The following LTBP1 variants were observed in gnomAD, a reference collection of about 807,000 sequenced individuals.
The protein encoded by LTBP1 is latent-transforming growth factor beta-binding protein 1.
LTBP1 carries 129 observed loss-of-function variants against 207.6 expected under a neutral mutation model. The ratio of observed to expected loss-of-function variants is 0.62; its 90% CI spans 0.54 to 0.72. The LOEUF is 0.72. LTBP1 is among the 30% of genes least tolerant of loss of function. The pLI is 0.00. For synonymous variants in LTBP1, 963 were observed against 833.7 expected, an observed-to-expected ratio of 1.16 and a Z score of -2.67; for missense variants, 2,281 against 2,217.2, an observed-to-expected ratio of 1.03 and a Z score of -0.58.
chr2:33,229,846 A>G (rs1417680641), intron 9 of LTBP1, among the ~76,000 whole-genome samples: 1 of 152,202 alleles, frequency 6.6e-6, no homozygotes, highest in Non-Finnish European at 1.5e-5. Flanking sequence ...GCAGTGTTAT[A>G]CTTTTTGGCA....
At chr2:33,198,691 T>G (rs893807935) in intron 7 of LTBP1, among the ~76,000 whole-genome samples, 56 of 152,296 alleles carry the variant, frequency 3.7e-4, no homozygotes, top group Non-Finnish European at 6.8e-4. Context: ...AGCGTAGAGG[T>G]GTTTGTAGTA....
In LTBP1 at chr2:33,105,661, G is replaced by A. The variant is rs978854982; in HGVS notation, c.864-4921G>A. On this transcript the variant is annotated intron_variant, in intron 3 of 33. Coordinates refer to ENST00000404816, the MANE Select transcript of LTBP1 (RefSeq NM_206943.4). ...TTGGCTAGGCTGGTCTTGAACTTGCGACCTCAGGTGATCCACCCGCTTCGG... is the reference window on the plus strand; with the variant it reads ...TTGGCTAGGCTGGTCTTGAACTTGCAACCTCAGGTGATCCACCCGCTTCGG... Among the ~76,000 whole-genome samples, 5 of 152,208 alleles carry A rather than the reference G, an allele frequency of 3.3e-5. No homozygotes were observed. In the East Asian group the frequency reaches 7.7e-4, roughly 24 times the overall value.
At chr2:33,279,819 T>A (rs1245528890) in intron 18 of LTBP1, among the ~76,000 whole-genome samples, 4 of 152,238 alleles carry the variant, frequency 2.6e-5, no homozygotes, top group Non-Finnish European at 5.9e-5. Flanking sequence ...GGGGCCAGGT[T>A]CTTCCTTGGA....
chr2:33,151,823 TTGTGTGTG>T (rs10526529), intron 5 of LTBP1, among the ~76,000 whole-genome samples: 18,390 of 128,954 alleles, frequency 0.14, 1,273 homozygotes, highest in East Asian at 0.22. Flanking sequence ...GTATTCCATT[TTGTGTGTG>T]TGTGTGTGTG....
intron 22 of LTBP1, among the ~76,000 whole-genome samples, chr2:33,305,656 G>C (rs906625293): frequency 6.6e-6 from 1 of 152,172 alleles, no homozygotes; most frequent in Non-Finnish European, 1.5e-5. Context: ...TTGGAATTTA[G>C]GGGTGAGTTC....
intron 31 of LTBP1, among the ~76,000 whole-genome samples, chr2:33,375,704 A>ATT (rs985682071): frequency 1.5e-3 from 169 of 113,762 alleles, no homozygotes; most frequent in African/African-American, 4.2e-3. Flanking sequence ...ATTTTTTTGT[A>ATT]TTTTTTTTTT....
At chr2:33,061,267 GTTTACCTA>G (rs2077259475) in intron 3 of LTBP1, 1 of 152,060 alleles carries the variant, frequency 6.6e-6, no homozygotes, top group South Asian at 2.1e-4. Context: ...ATGAGTATAT[GTTTACCTA>G]TAAACACTTT....
At chr2:32,962,643 C>G (rs920001488) in intron 2 of LTBP1, among the ~76,000 whole-genome samples, 17 of 152,202 alleles carry the variant, frequency 1.1e-4, no homozygotes, top group Admixed American at 1.1e-3. Flanking sequence ...TATATTACAA[C>G]AAATGTCCCT....
chr2:32,993,969 AGT>A (rs70938383), intron 2 of LTBP1, among the ~76,000 whole-genome samples: 6,333 of 138,392 alleles, frequency 0.046, 387 homozygotes, highest in East Asian at 0.26. Context: ...CAGTTAGGGG[AGT>A]GTGTGTGTGT....
intron 16 of LTBP1, 147 bp from the exon 17 acceptor site, chr2:33,274,818 G>C: frequency 1.4e-6 from 1 of 710,346 alleles, no homozygotes; most frequent in Non-Finnish European, 2.4e-6. Context: ...AGTACGCGAG[G>C]AGAAAGATCG....
intron 2 of LTBP1, among the ~76,000 whole-genome samples, chr2:32,962,463 T>C (rs938673503): frequency 6.6e-6 from 1 of 152,206 alleles, no homozygotes; most frequent in Non-Finnish European, 1.5e-5. Context: ...ATTTAGGAGA[T>C]TGGCCTACAC....
At chr2:32,985,161 CG>C (rs1683350107) in intron 2 of LTBP1, among the ~76,000 whole-genome samples, 2 of 152,118 alleles carry the variant, frequency 1.3e-5, no homozygotes, top group Admixed American at 1.3e-4. Flanking sequence ...TGTTTTCCCC[CG>C]GAACACAGGA....
chr2:33,169,176 G>A (rs1359169919), intron 5 of LTBP1, among the ~76,000 whole-genome samples: 1 of 152,166 alleles, frequency 6.6e-6, no homozygotes, highest in Non-Finnish European at 1.5e-5. Flanking sequence ...TGCCCAGTGT[G>A]TTTCTTCTTT....
At chr2:33,204,452 CAA>C (rs968341731) in intron 7 of LTBP1, among the ~76,000 whole-genome samples, 25 of 152,292 alleles carry the variant, frequency 1.6e-4, no homozygotes, top group African/African-American at 3.6e-4. Context: ...ATATTTTAAA[CAA>C]AGAGAGCAAT....
intron 24 of LTBP1, among the ~76,000 whole-genome samples, chr2:33,324,261 GTTATAA>G (rs1046593830): frequency 7.9e-6 from 1 of 126,426 alleles, no homozygotes; most frequent in Non-Finnish European, 1.6e-5. Flanking sequence ...ACAGTATATT[GTTATAA>G]TTGTTATAAC....
chr2:32,966,527 T>C (rs1680032396), intron 2 of LTBP1, among the ~76,000 whole-genome samples: 1 of 152,190 alleles, frequency 6.6e-6, no homozygotes, highest in South Asian at 2.1e-4. Context: ...TTTTTATAGA[T>C]GTTCTTTGTC....
chr2:33,160,169 G>A (rs1221376347), intron 5 of LTBP1, among the ~76,000 whole-genome samples: 3 of 152,142 alleles, frequency 2.0e-5, no homozygotes, highest in Non-Finnish European at 2.9e-5. Context: ...ATGAGCCACC[G>A]CGCCTGGCCT....
At chr2:33,224,453 C>T (rs531528869) in intron 9 of LTBP1, among the ~76,000 whole-genome samples, 1 of 152,198 alleles carries the variant, frequency 6.6e-6, no homozygotes, top group Non-Finnish European at 1.5e-5. Context: ...CCATTTTTTA[C>T]CATTCATAGA....
chr2:33,382,858 G>A (rs987895413), intron 31 of LTBP1, among the ~76,000 whole-genome samples: 1 of 152,170 alleles, frequency 6.6e-6, no homozygotes, highest in Non-Finnish European at 1.5e-5. Context: ...GAGGGTTGCT[G>A]CCTGTTCACC....
Sources: gnomAD v4.1 joint callset for allele counts (sites outside exome capture counted in the v4.1 genomes callset) on GRCh38, gnomAD v4.1.1 for gene constraint, MANE v1.5 for transcripts, NCBI Gene and HGNC (gene_info 2026-07-23, HGNC 2026-07-21) for gene names.